Variants in PALD1 observed in about 807,000 individuals in gnomAD.
The protein encoded by PALD1 is phosphatase domain containing paladin 1.
Under a neutral mutation model 96.0 loss-of-function variants are expected in PALD1, and 57 were observed. The ratio of observed to expected loss-of-function variants is 0.59; its 90% confidence interval spans 0.48 to 0.74. The LOEUF is 0.74. Among genes scored for constraint, PALD1 ranks in the 30% least tolerant of loss-of-function variants. The pLI, the probability that PALD1 is intolerant of heterozygous loss-of-function variation, is 0.00. For missense variants in PALD1, 1,063 were observed against 1,143.7 expected (o/e 0.93, Z 1.02); for synonymous variants, 464 against 473.6 (o/e 0.98, Z 0.26).
At chr10:70,537,957 A>T (rs1462052874) in intron 11 of PALD1, 51 bp downstream of exon 11, 2 of 1,288,800 alleles carry the variant, frequency 1.6e-6, no homozygotes, top group African/African-American at 1.5e-5. Flanking sequence ...GGCCTCTCCC[A>T]GCCTCCCCAC....
intron 19 of PALD1, among the ~76,000 whole-genome samples, chr10:70,565,202 T>A (rs577984136): frequency 7.5e-4 from 114 of 152,248 alleles, no homozygotes; most frequent in South Asian, 4.8e-3. Context: ...TTGTTCAAGG[T>A]TGGCATTAGG....
chr10:70,472,470 G>A, the PALD1 span, among the ~76,000 whole-genome samples: 1,626 of 151,972 alleles, frequency 0.011, 39 homozygotes, highest in African/African-American at 0.038. Flanking sequence ...CACGTTGGCC[G>A]GGTTGGTCTC....
At chr10:70,566,365 T>G (rs1461010517) in intron 19 of PALD1, among the ~76,000 whole-genome samples, 1 of 152,184 alleles carries the variant, frequency 6.6e-6, no homozygotes, top group Non-Finnish European at 1.5e-5. Context: ...CCCAGTACTT[T>G]CTGTATGTGT....
chr10:70,483,176 C>T (rs1034475052), intron 1 of PALD1, among the ~76,000 whole-genome samples: 4 of 152,052 alleles, frequency 2.6e-5, no homozygotes, highest in South Asian at 2.1e-4. Context: ...TGATACTTCA[C>T]GTGGGCTTTG....
Position 70,531,403 on chromosome 10 carries a change from C to T in PALD1, c.582C>T (p.Gly194=). 1 of 1,614,082 alleles carries T rather than the reference C, an allele frequency of 6.2e-7. No homozygotes were observed. Among genetic ancestry groups the T allele is most frequent in the Non-Finnish European group, 8.5e-7 (1 of 1,179,968 alleles). ...AGAACCTTCATGAGAACCTCCAGGG[C>T]CTTGGACCCGGGGTCCGGGTGGAGA... ...DKQNLHENLQ[G]LGPGVRVESL... is the part of the protein sequence containing the mutation. The change falls in exon 5 of 20, where the codon GGC becomes GGT. Residue 194 remains glycine (G), a synonymous_variant. Coordinates refer to ENST00000263563, the MANE Select transcript of PALD1 (RefSeq NM_014431.3).
Position 70,501,834 on chromosome 10 carries a change from T to TGTGTGTGTGTGTGTGC in PALD1, c.-30+22776_-30+22777insTGTGTGTGTGTGTGCG, listed in dbSNP as rs774868338. ...TACTCTGTGTGTGTGTGTGTGTGTG[T>TGTGTGTGTGTGTGTGC]GCGTGCGTGCATGCATACCTGTGTT... On this transcript the variant is annotated intron_variant, in intron 1 of 19. Coordinates refer to ENST00000263563, the MANE Select transcript of PALD1 (RefSeq NM_014431.3). Among the ~76,000 whole-genome samples, 73 of 149,496 alleles carry TGTGTGTGTGTGTGTGC rather than the reference T, an allele frequency of 4.9e-4. 1 individual carries two copies. The South Asian group carries it at 7.0e-3, about 14-fold the overall frequency.
At chr10:70,560,134 C>T (rs1847706939) in intron 18 of PALD1, among the ~76,000 whole-genome samples, 1 of 152,202 alleles carries the variant, frequency 6.6e-6, no homozygotes, top group Non-Finnish European at 1.5e-5. Context: ...AAGGTTCAGC[C>T]TGAGGGCAGA....
At chr10:70,491,950 T>A (rs778097728) in intron 1 of PALD1, among the ~76,000 whole-genome samples, 5 of 152,262 alleles carry the variant, frequency 3.3e-5, no homozygotes, top group Non-Finnish European at 5.9e-5. Flanking sequence ...TGAGTAACTT[T>A]CCATTGTATG....
chr10:70,523,102 T>C (rs575031798), intron 1 of PALD1, among the ~76,000 whole-genome samples: 1 of 152,388 alleles, frequency 6.6e-6, no homozygotes, highest in African/African-American at 2.4e-5. Flanking sequence ...CACCCCTAAC[T>C]GCCTGTTCTA....
In PALD1 at chr10:70,539,093, C is replaced by A; in HGVS notation, c.1571C>A (p.Ala524Asp). ...CACTGCCGGCCCTCCTGTGCCCAGGCCCTGGGGAGCATCCTGGCCTACCTG... is the reference window on the plus strand; with the variant it reads ...CACTGCCGGCCCTCCTGTGCCCAGGACCTGGGGAGCATCCTGGCCTACCTG... ...IYGTAQPSAK[A>D]LGSILAYLTD... The change falls in exon 14 of 20, where the codon GCC becomes GAC. Residue 524 changes from alanine to aspartate, a missense_variant and splice_region_variant. Coordinates refer to ENST00000263563, the MANE Select transcript of PALD1 (RefSeq NM_014431.3). The surrounding 1 kb of genome is among the most constrained non-coding windows in gnomAD (Gnocchi z 4.5). 6.2e-7 allele frequency: 1 copy of A among 1,613,862 alleles called. No homozygotes were observed. The highest frequency in any genetic ancestry group is 8.5e-7 in the Non-Finnish European group (1 of 1,179,894).
the PALD1 span, among the ~76,000 whole-genome samples, chr10:70,469,435 G>T: frequency 5.1e-3 from 784 of 152,304 alleles, 1 homozygote; most frequent in Non-Finnish European, 6.7e-3. Context: ...TTGTCTGGGG[G>T]TGTCTGGAGG....
At chr10:70,466,919 C>T in the PALD1 span, among the ~76,000 whole-genome samples, 1 of 152,206 alleles carries the variant, frequency 6.6e-6, no homozygotes, top group Non-Finnish European at 1.5e-5. Context: ...CCCAGCCCCA[C>T]CGTCCTGGCC....
intron 17 of PALD1, among the ~76,000 whole-genome samples, chr10:70,545,147 G>A (rs373127857): frequency 1.6e-4 from 24 of 151,886 alleles, no homozygotes; most frequent in African/African-American, 5.1e-4. Flanking sequence ...TGTCGACCAC[G>A]GGACAGGGCG....
intron 1 of PALD1, among the ~76,000 whole-genome samples, chr10:70,506,781 C>T (rs924521265): frequency 2.0e-5 from 3 of 152,172 alleles, no homozygotes; most frequent in African/African-American, 4.8e-5. Context: ...GCAACTCTCC[C>T]TCATGGGTGG....
At chr10:70,468,233 G>C in the PALD1 span, among the ~76,000 whole-genome samples, 2 of 152,228 alleles carry the variant, frequency 1.3e-5, no homozygotes, top group African/African-American at 4.8e-5. Flanking sequence ...AAGAAGGCAG[G>C]TGTGGTCCAC....
chr10:70,469,275 C>G, the PALD1 span, among the ~76,000 whole-genome samples: 1 of 152,208 alleles, frequency 6.6e-6, no homozygotes, highest in Admixed American at 6.5e-5. Flanking sequence ...CTTTCCCAGG[C>G]TCAGCCCTGG....
At chr10:70,487,803 C>A (rs1308466468) in intron 1 of PALD1, among the ~76,000 whole-genome samples, 2 of 152,212 alleles carry the variant, frequency 1.3e-5, no homozygotes, top group Admixed American at 1.3e-4. Context: ...AAGTCCTGGG[C>A]ATGCAGCCAA....
At position 70,532,627 on chromosome 10, in the gene PALD1, G is replaced by A. The variant is rs1393420815; in HGVS notation, c.640G>A (p.Asp214Asn). The A allele has an allele frequency of 3.1e-6, 5 of 1,614,014 alleles. No individual in the cohort carries two copies. Among genetic ancestry groups the A allele is most frequent in the Admixed American group, 1.7e-5 (1 of 60,014 alleles). ...LELAIRKEIH[D>N]FAQLSENTYH... is the part of the protein sequence containing the mutation. ...CCCCCACACCTCCCTCTAGATCCAC[G>A]ACTTTGCCCAGCTGAGCGAGAACAC... Residue 214 changes from aspartate to asparagine, a missense_variant, in exon 6 of 20, where the codon GAC (aspartate) becomes AAC (asparagine). Transcript: ENST00000263563.
chr10:70,517,706 C>T (rs376330040), intron 1 of PALD1, among the ~76,000 whole-genome samples: 2 of 151,974 alleles, frequency 1.3e-5, no homozygotes, highest in South Asian at 2.1e-4. Context: ...ATTCAGTATC[C>T]CCAGCAGTTC....
Sources: allele counts gnomAD v4.1 joint callset (sites outside exome capture counted in the v4.1 genomes callset), GRCh38; gene constraint gnomAD v4.1.1; non-coding constraint Gnocchi (gnomAD v3.1); transcripts MANE v1.5; gene names NCBI Gene and HGNC (gene_info 2026-07-23, HGNC 2026-07-21).